Variants in PRSS23 observed in about 807,000 individuals in gnomAD.
PRSS23 encodes serine protease 23.
Under a neutral mutation model 34.7 loss-of-function variants are expected in PRSS23, and 25 were observed. The observed-to-expected ratio is 0.72, with a 90% CI of 0.53 to 1.01. PRSS23 has a LOEUF of 1.01. PRSS23 is among the 50% of genes least tolerant of loss of function. The pLI is 0.00. For synonymous variants in PRSS23, 176 were observed against 186.6 expected, an observed-to-expected ratio of 0.94 and a Z score of 0.46; for missense variants, 445 against 475.6, an observed-to-expected ratio of 0.94 and a Z score of 0.60.
At chr11:86,791,957 C>T (rs903116940) in intron 1 of PRSS23, among the ~76,000 whole-genome samples, 4 of 152,168 alleles carry the variant, frequency 2.6e-5, no homozygotes, top group South Asian at 2.1e-4. Flanking sequence ...AGGCTCTGTG[C>T]GATATGTTAA....
At chr11:86,928,687 A>T (rs1949101006) in intron 2 of PRSS23, among the ~76,000 whole-genome samples, 1 of 35,206 alleles carries the variant, frequency 2.8e-5, no homozygotes, top group Non-Finnish European at 8.6e-5. Flanking sequence ...AAAAAAAAAA[A>T]AAAAAAAAAA....
intron 2 of PRSS23, among the ~76,000 whole-genome samples, chr11:86,940,534 A>T (rs538845066): frequency 2.4e-4 from 36 of 152,242 alleles, no homozygotes; most frequent in South Asian, 8.3e-4. Flanking sequence ...CCCAGCCCAC[A>T]GTCCACACGG....
Position 86,845,852 on chromosome 11 carries a change from T to C in PRSS23, c.206+22259T>C, listed in dbSNP as rs544255945. Among the ~76,000 whole-genome samples the C allele has an allele frequency of 4.6e-5, 7 of 152,298 alleles. 1 individual carries two copies. The South Asian group carries it at 1.5e-3, about 32-fold the overall frequency. On this transcript the variant is annotated intron_variant, in intron 2 of 2. Transcript: ENST00000533902. ...ACCTTATCTATGCTCCCAATTCCAA[T>C]TTCTTATAAAAGTACTTTGTAAGGT...
intron 2 of PRSS23, among the ~76,000 whole-genome samples, chr11:86,879,436 C>G (rs1948752895): frequency 6.6e-6 from 1 of 151,954 alleles, no homozygotes; most frequent in Non-Finnish European, 1.5e-5. Flanking sequence ...GCAGCCACCC[C>G]ATCCGGGAGG....
At chr11:86,853,242 CTTT>C (rs561682096) in intron 2 of PRSS23, among the ~76,000 whole-genome samples, 245 of 47,562 alleles carry the variant, frequency 5.2e-3, no homozygotes, top group African/African-American at 6.5e-3. Flanking sequence ...AAGTGCCTGC[CTTT>C]TTTTTTTTTT....
At chr11:86,889,825 C>G (rs1178091404) in intron 2 of PRSS23, among the ~76,000 whole-genome samples, 1 of 152,152 alleles carries the variant, frequency 6.6e-6, no homozygotes, top group African/African-American at 2.4e-5. Flanking sequence ...ACAGAAATCT[C>G]CCTTCCCTTC....
At chr11:86,850,490 CT>C (rs2134917532) in intron 2 of PRSS23, among the ~76,000 whole-genome samples, 1 of 152,212 alleles carries the variant, frequency 6.6e-6, no homozygotes, top group African/African-American at 2.4e-5. Context: ...ACTCATTTCC[CT>C]GTGTCAGGAC....
At chr11:86,947,051 G>T (rs1949249256) in intron 2 of PRSS23, 1 of 152,432 alleles carries the variant, frequency 6.6e-6, no homozygotes, top group African/African-American at 2.4e-5. Context: ...TAAAAATACA[G>T]AAGTAGCTGG....
intron 2 of PRSS23, among the ~76,000 whole-genome samples, chr11:86,919,371 C>G (rs1423855897): frequency 6.6e-6 from 1 of 152,236 alleles, no homozygotes; most frequent in Non-Finnish European, 1.5e-5. Context: ...GTGGGCCACT[C>G]TCTCGTTGTG....
At chr11:86,859,107 G>T (rs1318470869) in intron 2 of PRSS23, among the ~76,000 whole-genome samples, 1 of 151,894 alleles carries the variant, frequency 6.6e-6, no homozygotes, top group East Asian at 1.9e-4. Context: ...CTGTGATATT[G>T]TTCCTAATAT....
chr11:86,896,096 A>G (rs1948873091), intron 2 of PRSS23, among the ~76,000 whole-genome samples: 1 of 152,140 alleles, frequency 6.6e-6, no homozygotes, highest in Non-Finnish European at 1.5e-5. Context: ...AACTCCTTAA[A>G]ACTTGAAGTA....
At chr11:86,852,207 A>G (rs1218636487) in intron 2 of PRSS23, among the ~76,000 whole-genome samples, 1 of 152,172 alleles carries the variant, frequency 6.6e-6, no homozygotes, top group Non-Finnish European at 1.5e-5. Context: ...TGGCAAGAAG[A>G]CAGGGTGAGA....
chr11:86,849,609 G>C (rs779672890), intron 2 of PRSS23, among the ~76,000 whole-genome samples: 1 of 152,094 alleles, frequency 6.6e-6, no homozygotes, highest in African/African-American at 2.4e-5. Flanking sequence ...AAAGCTCAAG[G>C]CTTAGTAAGA....
intron 2 of PRSS23, among the ~76,000 whole-genome samples, chr11:86,831,689 T>G (rs1948357531): frequency 6.6e-6 from 1 of 151,464 alleles, no homozygotes; most frequent in South Asian, 2.1e-4. Flanking sequence ...TCACAGGGGG[T>G]GTACACACTG....
At position 86,849,140 on chromosome 11, in the gene PRSS23, A is replaced by G. The variant is rs893079364; in HGVS notation, c.206+25547A>G. ...TGGGTAAGTTTGACCATTGAGGGCC[A>G]GGAAGTACACTTCCTCCTAAACACT... On this transcript the variant is annotated intron_variant, in intron 2 of 2. Coordinates refer to the PRSS23 transcript ENST00000533902. Among the ~76,000 whole-genome samples the G allele has an allele frequency of 3.3e-5, 5 of 152,326 alleles. 1 individual carries two copies. Among genetic ancestry groups the G allele is most frequent in the Admixed American group, 3.3e-4 (5 of 15,304 alleles).
chr11:86,950,689 G>A (rs1427551089), intron 2 of PRSS23: 1 of 216,742 alleles, frequency 4.6e-6, no homozygotes, highest in Non-Finnish European at 9.3e-6. Context: ...AGCGTTTCCA[G>A]TGTTTATAGA....
intron 2 of PRSS23, among the ~76,000 whole-genome samples, chr11:86,926,548 A>G (rs1388838602): frequency 2.0e-5 from 3 of 152,176 alleles, no homozygotes; most frequent in African/African-American, 7.2e-5. Flanking sequence ...AGTGTGGCTG[A>G]GCTTCATAAG....
At chr11:86,857,847 G>A (rs376626253) in intron 2 of PRSS23, 8 of 549,942 alleles carry the variant, frequency 1.5e-5, no homozygotes, top group East Asian at 1.1e-4. Flanking sequence ...ACATGGGGGT[G>A]TGGAAGTGGG....
intron 2 of PRSS23, chr11:86,948,847 A>C (rs1949266088): frequency 6.6e-6 from 1 of 152,634 alleles, no homozygotes; most frequent in Non-Finnish European, 1.5e-5. Context: ...CTCTAACAGC[A>C]AGACCAGTCC....
Sources: gnomAD v4.1 joint callset for allele counts (sites outside exome capture counted in the v4.1 genomes callset) on GRCh38, gnomAD v4.1.1 for gene constraint, MANE v1.5 for transcripts, NCBI Gene and HGNC (gene_info 2026-07-23, HGNC 2026-07-21) for gene names.